Variants in AIM2 observed in about 807,000 individuals in gnomAD.
AIM2 encodes the protein interferon-inducible protein AIM2.
A neutral mutation model predicts 27.7 loss-of-function variants in AIM2; 30 were observed. That is an observed-to-expected ratio of 1.08 (90% CI 0.81 to 1.47). AIM2 has a LOEUF of 1.47. AIM2 is among the 40% of genes most tolerant of loss of function. The probability of loss-of-function intolerance (pLI) is 0.00; values close to 1 mark genes in which losing one functional copy is unlikely to be tolerated. For missense variants in AIM2, 358 were observed against 411.3 expected, an observed-to-expected ratio of 0.87 and a Z score of 1.12; for synonymous variants, 141 against 145.3, an observed-to-expected ratio of 0.97 and a Z score of 0.21.
chr1:159,068,461 T>G, intron 3 of AIM2, 107 bp downstream of exon 3: 1 of 1,426,588 alleles, frequency 7.0e-7, no homozygotes, highest in Non-Finnish European at 9.3e-7. Flanking sequence ...TGGCCTTGCT[T>G]CCCTTATTTG....
chr1:159,125,264 T>C (rs1647655702), intron 1 of AIM2, among the ~76,000 whole-genome samples: 1 of 152,192 alleles, frequency 6.6e-6, no homozygotes, highest in South Asian at 2.1e-4. Flanking sequence ...CACTGGAACA[T>C]GCTTTATAGA....
intron 1 of AIM2, among the ~76,000 whole-genome samples, chr1:159,082,549 C>G (rs1176969557): frequency 6.6e-6 from 1 of 151,854 alleles, no homozygotes; most frequent in Admixed American, 6.6e-5. Context: ...AAAGCTGGAC[C>G]CTAAGTCCTG....
Position 159,091,227 on chromosome 1 carries a change from G to T in AIM2, c.-15-24898C>A, listed in dbSNP as rs72709588. On this transcript the variant is annotated intron_variant, in intron 1 of 2. Transcript: ENST00000368129. ...TAGAAAAGAGAATGATAGGATAAAG[G>T]TTACATTTTTTATATTTAGCCATTC... is the stretch of plus-strand genomic sequence containing the variant. Among the ~76,000 whole-genome samples, 3 of 152,224 alleles carry T rather than the reference G, an allele frequency of 2.0e-5. No homozygotes were observed. In the South Asian group the frequency reaches 6.2e-4, roughly 32 times the overall value.
At chr1:159,095,363 G>C (rs968304773) in intron 1 of AIM2, among the ~76,000 whole-genome samples, 1 of 152,186 alleles carries the variant, frequency 6.6e-6, no homozygotes, top group Non-Finnish European at 1.5e-5. Context: ...TGTTACAAAT[G>C]TCAACTCGAA....
intron 1 of AIM2, among the ~76,000 whole-genome samples, chr1:159,112,237 GA>G (rs1557908761): frequency 1.3e-5 from 2 of 151,962 alleles, no homozygotes; most frequent in East Asian, 3.9e-4. Context: ...AAAAGAATGA[GA>G]AAAGACACAG....
chr1:159,070,809 T>C (rs1656323906), intron 2 of AIM2, among the ~76,000 whole-genome samples: 1 of 152,216 alleles, frequency 6.6e-6, no homozygotes, highest in Non-Finnish European at 1.5e-5. Flanking sequence ...GTTAGTTCCA[T>C]GAAATTGGTT....
chr1:159,066,414 C>T, intron 3 of AIM2, 85 bp from the exon 4 acceptor site: 2 of 1,387,044 alleles, frequency 1.4e-6, no homozygotes, highest in Non-Finnish European at 9.8e-7. Flanking sequence ...TGCTAAACCT[C>T]AGAAAGCCAG....
At chr1:159,113,259 A>G (rs1657620697) in intron 1 of AIM2, among the ~76,000 whole-genome samples, 1 of 152,184 alleles carries the variant, frequency 6.6e-6, no homozygotes, top group Non-Finnish European at 1.5e-5. Flanking sequence ...CTAATATTAC[A>G]TGATAGGCAT....
At chr1:159,087,622 G>C (rs1207169696) in intron 1 of AIM2, among the ~76,000 whole-genome samples, 3 of 149,018 alleles carry the variant, frequency 2.0e-5, no homozygotes, top group Non-Finnish European at 3.0e-5. Context: ...ACCCGGGCTG[G>C]AGTGCAGTGG....
intron 1 of AIM2, among the ~76,000 whole-genome samples, chr1:159,121,030 A>G (rs1220692925): frequency 6.6e-6 from 1 of 152,220 alleles, no homozygotes; most frequent in Non-Finnish European, 1.5e-5. Context: ...AGAGAGAAAT[A>G]TTGTAACTTA....
chr1:159,121,796 A>G (rs1418660204), intron 1 of AIM2, among the ~76,000 whole-genome samples: 2 of 152,164 alleles, frequency 1.3e-5, no homozygotes, highest in African/African-American at 4.8e-5. Flanking sequence ...CTTGGCTCTC[A>G]ATTTAAAATC....
At chr1:159,062,447 A>G (rs748294125), downstream of AIM2, 35 of 549,714 alleles carry the variant, frequency 6.4e-5, no homozygotes, top group Non-Finnish European at 1.0e-4. Context: ...GCTTGAGACA[A>G]GGGATTGACA....
intron 1 of AIM2, among the ~76,000 whole-genome samples, chr1:159,129,741 A>G (rs1471564744): frequency 6.6e-6 from 1 of 152,208 alleles, no homozygotes; most frequent in African/African-American, 2.4e-5. Context: ...CTGCCTCCTC[A>G]AATACTAAAC....
intron 2 of AIM2, among the ~76,000 whole-genome samples, chr1:159,070,910 A>G (rs1656332098): frequency 6.6e-6 from 1 of 152,242 alleles, no homozygotes; most frequent in Admixed American, 6.5e-5. Flanking sequence ...TCAACCTACC[A>G]TTCTACCACA....
the AIM2 span, among the ~76,000 whole-genome samples, chr1:159,055,323 C>T: frequency 2.6e-5 from 4 of 152,168 alleles, no homozygotes; most frequent in African/African-American, 7.2e-5. Flanking sequence ...AGGCTGTGTT[C>T]TGCTGAAAGA....
At chr1:159,122,278 C>T (rs902614028) in intron 1 of AIM2, 4 of 152,234 alleles carry the variant, frequency 2.6e-5, no homozygotes, top group Non-Finnish European at 4.4e-5. Flanking sequence ...TGGTGGCTCT[C>T]TTCCAAGCAG....
chr1:159,131,479 G>T (rs913150155), intron 1 of AIM2, among the ~76,000 whole-genome samples: 1 of 152,156 alleles, frequency 6.6e-6, no homozygotes, highest in Non-Finnish European at 1.5e-5. Flanking sequence ...TTGAAGGAAA[G>T]AAATTATTTA....
intron 1 of AIM2, among the ~76,000 whole-genome samples, chr1:159,128,881 T>G (rs1174264741): frequency 6.6e-6 from 1 of 152,236 alleles, no homozygotes; most frequent in Non-Finnish European, 1.5e-5. Context: ...TTGGGACACA[T>G]TCTCAGCAAA....
intron 1 of AIM2, among the ~76,000 whole-genome samples, chr1:159,098,252 A>G (rs1657221337): frequency 6.6e-6 from 1 of 152,116 alleles, no homozygotes; most frequent in South Asian, 2.1e-4. Flanking sequence ...CTTTCTTCAT[A>G]TTGTCGGCAC....
Sources: allele counts gnomAD v4.1 joint callset (sites outside exome capture counted in the v4.1 genomes callset), GRCh38; gene constraint gnomAD v4.1.1; transcripts MANE v1.5; gene names NCBI Gene and HGNC (gene_info 2026-07-23, HGNC 2026-07-21).